The following UCHL1 variants were observed in gnomAD, a reference collection of about 807,000 sequenced individuals.
The protein encoded by UCHL1 is ubiquitin C-terminal hydrolase L1.
Under a neutral mutation model 33.3 loss-of-function variants are expected in UCHL1, and 5 were observed. The observed-to-expected ratio is 0.15, with a 90% CI of 0.08 to 0.32. UCHL1 has a LOEUF of 0.32. Ranked by LOEUF, UCHL1 falls within the 10% of genes least tolerant of loss-of-function variation. UCHL1 has a pLI of 1.00. For missense variants in UCHL1, 236 were observed against 280.0 expected, an observed-to-expected ratio of 0.84 and a Z score of 1.12; for synonymous variants, 132 against 108.8, an observed-to-expected ratio of 1.21 and a Z score of -1.33.
At chr4:41,266,620 C>G (rs776919494) in intron 8 of UCHL1, among the ~76,000 whole-genome samples, 8 of 152,086 alleles carry the variant, frequency 5.3e-5, no homozygotes, top group Non-Finnish European at 1.0e-4. Flanking sequence ...AATCCAGATA[C>G]TCTTTGGTTG....
chr4:41,257,399 G>T (rs1057217313), intron 2 of UCHL1: 10 of 878,458 alleles, frequency 1.1e-5, no homozygotes, highest in East Asian at 3.1e-5. Context: ...GCACAGACTC[G>T]GCTGCACGGG....
chr4:41,259,182 C>G (rs1229198970), intron 3 of UCHL1, among the ~76,000 whole-genome samples: 1 of 152,158 alleles, frequency 6.6e-6, no homozygotes, highest in Non-Finnish European at 1.5e-5. Flanking sequence ...ACACAGAATG[C>G]CTACTGGACA....
chr4:41,260,673 T>C lies in UCHL1; in HGVS notation c.201T>C (p.Ile67=), dbSNP rs1398000183. ...ATGAGAACTTCAGGAAAAAGCAGATTGAAGAGCTGAAGGGACAAGAAGTTA... is the reference window on the plus strand; with the variant it reads ...ATGAGAACTTCAGGAAAAAGCAGATCGAAGAGCTGAAGGGACAAGAAGTTA... ...AQHENFRKKQ[I]EELKGQEVSP... The change falls in exon 4 of 9, where the codon ATT becomes ATC. Residue 67 remains isoleucine, a synonymous_variant. Transcript: ENST00000284440. The C allele has an allele frequency of 6.2e-7, 1 of 1,614,220 alleles. No homozygotes were observed. Among genetic ancestry groups the C allele is most frequent in the Non-Finnish European group, 8.5e-7 (1 of 1,180,036 alleles).
chr4:41,264,122 G>T lies in UCHL1; in HGVS notation c.546G>T (p.Pro182=), dbSNP rs772097475. 4 of 1,614,138 alleles carry T rather than the reference G, an allele frequency of 2.5e-6. No homozygotes were observed. The Admixed American group carries it at 6.7e-5, about 27-fold the overall frequency. The stretch of plus-strand genomic sequence containing the variant: ...TTACAGATGGACGAATGCCTTTTCC[G>T]GTGAACCATGGCGCCAGTTCAGAGG... ...LYELDGRMPF[P]VNHGASSEDT... is the part of the protein sequence containing the mutation. Residue 182 remains proline, a synonymous_variant, in exon 8 of 9, where the codon CCG becomes CCT. Transcript: ENST00000284440.
intron 8 of UCHL1, among the ~76,000 whole-genome samples, chr4:41,267,393 C>T (rs190259816): frequency 3.3e-5 from 5 of 152,234 alleles, no homozygotes; most frequent in South Asian, 2.1e-4. Flanking sequence ...TGCAGATGCC[C>T]GCCATCATGC....
Position 41,268,049 on chromosome 4 carries a change from C to G in UCHL1, c.648C>G (p.Ala216=). The change falls in exon 9 of 9, where the codon GCC becomes GCG. Residue 216 remains alanine (A), a synonymous_variant. Coordinates refer to ENST00000284440, the MANE Select transcript of UCHL1 (RefSeq NM_004181.5). Reference sequence around the variant, plus strand: ...AGCAAGGAGAAGTCCGCTTCTCTGCCGTGGCTCTCTGCAAGGCAGCCTAAT... The same window carrying G: ...AGCAAGGAGAAGTCCGCTTCTCTGCGGTGGCTCTCTGCAAGGCAGCCTAAT... ...EREQGEVRFS[A]VALCKAA 3.1e-6 allele frequency: 5 copies of G among 1,613,444 alleles called. No homozygotes were observed. Among genetic ancestry groups the G allele is most frequent in the Non-Finnish European group, 3.4e-6 (4 of 1,179,784 alleles).
At position 41,257,233 on chromosome 4, in the gene UCHL1, A is replaced by G. The variant is rs921148569; in HGVS notation, c.45+107A>G. On this transcript the variant is annotated intron_variant, in intron 2 of 8. Coordinates refer to ENST00000284440, the MANE Select transcript of UCHL1 (RefSeq NM_004181.5). ...AGGGACCAAGCCGCCCGCTGCGAGCACCGGAGACGGCCGGGCTGGGGCGTG... is the reference window on the plus strand; with the variant it reads ...AGGGACCAAGCCGCCCGCTGCGAGCGCCGGAGACGGCCGGGCTGGGGCGTG... 9.6e-6 allele frequency: 15 copies of G among 1,565,392 alleles called. No homozygotes were observed. In the African/African-American group the frequency reaches 1.6e-4, roughly 17 times the overall value.
intron 3 of UCHL1, 142 bp from the exon 4 acceptor site, chr4:41,260,505 C>G: frequency 1.9e-6 from 2 of 1,044,960 alleles, no homozygotes; most frequent in Non-Finnish European, 2.8e-6. Flanking sequence ...GGGCCCTTCT[C>G]TGGGAGTCAG....
intron 6 of UCHL1, 92 bp from the exon 7 acceptor site, chr4:41,263,133 C>G (rs750810327): frequency 3.1e-6 from 3 of 980,382 alleles, no homozygotes; most frequent in Non-Finnish European, 4.9e-6. Context: ...TTCTAAAAAT[C>G]AAGTCAGTTC....
chr4:41,257,783 C>A lies in UCHL1; in HGVS notation c.174+46C>A, dbSNP rs186349613. 1.3e-3 allele frequency: 1,922 copies of A among 1,535,876 alleles called. 26 individuals carry two copies. The African/African-American group carries it at 0.024, about 19-fold the overall frequency. ...TGCGCCGGCCGCCGGCAGTGCACGC[C>A]GCTCCCCAGCTTGAGTCCTCGGGGG... On this transcript the variant is annotated intron_variant, in intron 3 of 8. Coordinates refer to ENST00000284440, the MANE Select transcript of UCHL1 (RefSeq NM_004181.5).
intron 2 of UCHL1, 178 bp from the exon 3 acceptor site, chr4:41,257,431 G>A: frequency 1.0e-6 from 1 of 996,132 alleles, no homozygotes. Flanking sequence ...CCACGTGTGG[G>A]CCGCGCTTTG....
At chr4:41,257,844 G>T in intron 3 of UCHL1, 107 bp downstream of exon 3, 4 of 1,444,466 alleles carry the variant, frequency 2.8e-6, no homozygotes, top group Non-Finnish European at 3.7e-6. Flanking sequence ...AGGTGATGCG[G>T]GGCGCGCCTA....
At position 41,257,633 on chromosome 4, in the gene UCHL1, G is replaced by C; in HGVS notation, c.70G>C (p.Gly24Arg). 6.4e-7 allele frequency: 1 copy of C among 1,557,992 alleles called. No individual in the cohort carries two copies. The highest frequency in any genetic ancestry group is 8.6e-7 in the Non-Finnish European group (1 of 1,157,352). Reference protein sequence around the residue: ...NKVLSRLGVAGQWRFVDVLGL... With the variant: ...NKVLSRLGVARQWRFVDVLGL... ...GGTGCTGTCCCGGCTGGGGGTCGCC[G>C]GCCAGTGGCGCTTCGTGGACGTGCT... The change falls in exon 3 of 9, where the codon GGC becomes CGC. Residue 24 changes from glycine to arginine, a missense_variant. Transcript: ENST00000284440.
intron 7 of UCHL1, 30 bp downstream of exon 7, chr4:41,263,321 T>C (rs760961273): frequency 1.3e-6 from 2 of 1,585,136 alleles, no homozygotes; most frequent in East Asian, 2.2e-5. Context: ...TGGAACCCAG[T>C]GTAGTTTCAT....
At position 41,264,146 on chromosome 4, in the gene UCHL1, G is replaced by C; in HGVS notation, c.570G>C (p.Glu190Asp). ...PFPVNHGASSEDTLLKDAAKV... is the reference protein window; with the variant it reads ...PFPVNHGASSDDTLLKDAAKV... ...CGGTGAACCATGGCGCCAGTTCAGA[G>C]GACACCCTGCTGAAGGTCATCTTTG... Residue 190 changes from glutamate (E) to aspartate (D), a missense_variant, in exon 8 of 9, where the codon GAG (glutamate) becomes GAC (aspartate). By Grantham distance (45) the Glu-to-Asp change is conservative (BLOSUM62 2). Transcript: ENST00000284440. The C allele has an allele frequency of 1.2e-6, 2 of 1,614,152 alleles. No homozygotes were observed. The highest frequency in any genetic ancestry group is 1.7e-6 in the Non-Finnish European group (2 of 1,180,032).
In UCHL1 at chr4:41,260,736, T is replaced by C. The variant is rs111649115; in HGVS notation, c.264T>C (p.Asn88=). The C allele has an allele frequency of 6.2e-7, 1 of 1,614,228 alleles. No homozygotes were observed. Among genetic ancestry groups the C allele is most frequent in the Non-Finnish European group, 8.5e-7 (1 of 1,180,044 alleles). Residue 88 remains asparagine, a synonymous_variant, in exon 4 of 9, where the codon AAT becomes AAC. Coordinates refer to ENST00000284440, the MANE Select transcript of UCHL1 (RefSeq NM_004181.5). ...ACTTCATGAAGCAGACCATTGGGAA[T>C]TCCTGTGGCACAATCGGACTTATTC... ...KVYFMKQTIG[N]SCGTIGLIHA...
chr4:41,267,972 A>G lies in UCHL1; in HGVS notation c.586-15A>G, dbSNP rs1167046135. ...CTCTTGCTGTTTGGATTTTAATGAC[A>G]TTTCTCCTTTCCAGGACGCTGCCAA... On this transcript the variant is annotated splice_polypyrimidine_tract_variant and intron_variant, in intron 8 of 8. Transcript: ENST00000284440. 3 of 1,610,644 alleles carry G rather than the reference A, an allele frequency of 1.9e-6. No individual in the cohort carries two copies. The highest frequency in any genetic ancestry group is 3.3e-5 in the Admixed American group (2 of 59,802).
In UCHL1 at chr4:41,263,186, G is replaced by A. The variant is rs751583368; in HGVS notation, c.460-39G>A. ...ATTGCAAGATAATTTTTAAAATACAGCTTACACTCATTTTCAAAAATTTCT... is the reference window on the plus strand; with the variant it reads ...ATTGCAAGATAATTTTTAAAATACAACTTACACTCATTTTCAAAAATTTCT... On this transcript the variant is annotated intron_variant, in intron 6 of 8. Transcript: ENST00000284440. 2.7e-6 allele frequency: 4 copies of A among 1,500,726 alleles called. No homozygotes were observed. The Admixed American group carries it at 6.7e-5, about 25-fold the overall frequency. The allele number at this position is 1,500,726 out of a possible 1,614,324, so 93.0% of individuals were successfully genotyped here.
chr4:41,266,012 A>G (rs1419553676), intron 8 of UCHL1, among the ~76,000 whole-genome samples: 3 of 152,228 alleles, frequency 2.0e-5, no homozygotes, highest in Non-Finnish European at 4.4e-5. Context: ...CACTGCACTA[A>G]TACCATAAAA....
Sources: gnomAD v4.1 joint callset for allele counts (sites outside exome capture counted in the v4.1 genomes callset) on GRCh38, gnomAD v4.1.1 for gene constraint, MANE v1.5 for transcripts, NCBI Gene and HGNC (gene_info 2026-07-23, HGNC 2026-07-21) for gene names.